CHRNA4: variants seen among roughly 807,000 people sequenced by gnomAD.
CHRNA4 encodes the protein neuronal acetylcholine receptor subunit alpha-4.
In CHRNA4, 28 loss-of-function variants were observed where a neutral mutation model predicts 48.9. The ratio of observed to expected loss-of-function variants is 0.57; its 90% CI spans 0.42 to 0.79. The LOEUF is 0.79. Among genes scored for constraint, CHRNA4 ranks in the 30% least tolerant of loss-of-function variants. CHRNA4 has a pLI of 0.00. For missense variants in CHRNA4, 859 were observed against 898.4 expected, an observed-to-expected ratio of 0.96 and a Z score of 0.56; for synonymous variants, 425 against 402.3, an observed-to-expected ratio of 1.06 and a Z score of -0.68.
rs767865433 is a variant in CHRNA4, at chr20:63,350,426, T to C, written c.985A>G (p.Asn329Asp). Reference protein sequence around the residue: ...LSIVITVFVLNVHHRSPRTHT... With the variant: ...LSIVITVFVLDVHHRSPRTHT... ...GTGCGTGGCGAGCGGTGGTGCACGTTGAGCACGAAGACCGTGATGACGATG... is the reference window on the plus strand; with the variant it reads ...GTGCGTGGCGAGCGGTGGTGCACGTCGAGCACGAAGACCGTGATGACGATG... The change falls in exon 5 of 6, where the codon AAC (asparagine) becomes GAC (aspartate). Residue 329 changes from asparagine to aspartate, a missense_variant. Coordinates refer to ENST00000370263, the MANE Select transcript of CHRNA4 (RefSeq NM_000744.7). 6.2e-6 allele frequency: 10 copies of C among 1,613,768 alleles called. No homozygotes were observed. The Middle Eastern group carries it at 6.6e-4, about 107-fold the overall frequency.
At chr20:63,351,131 A>ATCCACG in intron 4 of CHRNA4, 104 bp from the exon 5 acceptor site, 6 of 761,384 alleles carry the variant, frequency 7.9e-6, no homozygotes, top group East Asian at 5.1e-5. Context: ...CCACACCCAC[A>ATCCACG]TCCACGCCCA....
At chr20:63,361,063 G>C (rs1432742583) in intron 1 of CHRNA4, 27 bp downstream of exon 1, 5 of 1,424,010 alleles carry the variant, frequency 3.5e-6, no homozygotes. Context: ...GGGCGAAAGG[G>C]GGCCCATCCC....
At chr20:63,359,845 C>A in intron 1 of CHRNA4, 146 bp from the exon 2 acceptor site, 1 of 586,142 alleles carries the variant, frequency 1.7e-6, no homozygotes, top group Non-Finnish European at 2.6e-6. Context: ...ACCCCAGGAC[C>A]TGTGTGTGTG....
chr20:63,356,152 G>GCAGTGCCCTC, intron 3 of CHRNA4, 68 bp from the exon 4 acceptor site: 1 of 553,972 alleles, frequency 1.8e-6, no homozygotes. Flanking sequence ...GCGGGACAGG[G>GCAGTGCCCTC]CCAGGGTGGG....
rs201279902 is a variant in CHRNA4, at chr20:63,346,697, G to A, written c.*41C>T. The A allele has an allele frequency of 2.1e-5, 33 of 1,583,456 alleles. No homozygotes were observed. Among genetic ancestry groups the A allele is most frequent in the Non-Finnish European group, 2.6e-5 (30 of 1,170,182 alleles). ...GGCCGGCCGCATGGATGCTGGCCCCGTGCACGGCAGCCCCAGGCCACGCAG... is the reference window on the plus strand; with the variant it reads ...GGCCGGCCGCATGGATGCTGGCCCCATGCACGGCAGCCCCAGGCCACGCAG... On this transcript the variant is annotated 3_prime_UTR_variant, in exon 6 of 6. Coordinates refer to ENST00000370263, the MANE Select transcript of CHRNA4 (RefSeq NM_000744.7).
At position 63,346,859 on chromosome 20, in the gene CHRNA4, T is replaced by G; in HGVS notation, c.1763A>C (p.Lys588Thr). The G allele has an allele frequency of 1.9e-6, 3 of 1,612,444 alleles. No individual in the cohort carries two copies. Among genetic ancestry groups the G allele is most frequent in the Non-Finnish European group, 2.5e-6 (3 of 1,179,584 alleles). Residue 588 changes from lysine (K) to threonine (T), a missense_variant, in exon 6 of 6, where the codon AAG becomes ACG. Around this residue, in one of 3 missense-constraint regions of CHRNA4, gnomAD observed 478 missense variants for 455.4 expected, o/e 1.05. Transcript: ENST00000370263. ...LKAEDTDFSVKEDWKYVAMVI... is the reference protein window; with the variant it reads ...LKAEDTDFSVTEDWKYVAMVI... Reference sequence around the variant, plus strand: ...CATGGCCACGTACTTCCAGTCCTCCTTCACCTGCAAGCACAGACGCCGTCA... The same window carrying G: ...CATGGCCACGTACTTCCAGTCCTCCGTCACCTGCAAGCACAGACGCCGTCA...
Position 63,349,851 on chromosome 20 carries a change from GA to G in CHRNA4, c.1559del (p.Leu520ProfsTer45). 1 of 1,595,852 alleles carries G rather than the reference GA, an allele frequency of 6.3e-7. No homozygotes were observed. Among genetic ancestry groups the G allele is most frequent in the Non-Finnish European group, 8.6e-7 (1 of 1,169,068 alleles). ...LASRNTHSAE[L>X]PPPDQPSPCK... ...ACGGAGAGGGCTGGTCTGGGGGTGG[GA>G]GCTCAGCCGAGTGGGTGTTGCGAGA... On this transcript the variant is annotated frameshift_variant, in exon 5 of 6. Coordinates refer to ENST00000370263, the MANE Select transcript of CHRNA4 (RefSeq NM_000744.7). LOFTEE classifies it high-confidence loss of function.
At position 63,346,814 on chromosome 20, in the gene CHRNA4, AG is replaced by A; in HGVS notation, c.1807del (p.Leu603SerfsTer24). ...YVAMVIDRIF[L>X]WMFIIVCLLG... ...CAGGCAGACGATGATGAACATCCAGAGGAAGATGCGGTCGATGACCATGGCC... is the reference window on the plus strand; with the variant it reads ...CAGGCAGACGATGATGAACATCCAGAGAAGATGCGGTCGATGACCATGGCC... On this transcript the variant is annotated frameshift_variant, in exon 6 of 6. Transcript: ENST00000370263. LOFTEE classifies it high-confidence loss of function. 1 of 1,612,732 alleles carries A rather than the reference AG, an allele frequency of 6.2e-7. No homozygotes were observed. The highest frequency in any genetic ancestry group is 8.5e-7 in the Non-Finnish European group (1 of 1,179,700).
chr20:63,354,400 G>A (rs1395055127), intron 4 of CHRNA4: 1 of 145,766 alleles, frequency 6.9e-6, no homozygotes, highest in Non-Finnish European at 1.5e-5. Flanking sequence ...AGTTCTGCAG[G>A]AGGCACTGTA....
rs1026850528 is a variant in CHRNA4 at position 63,346,229 on chromosome 20, C to T, written c.*509G>A. 1.8e-5 allele frequency: 8 copies of T among 454,106 alleles called. No homozygotes were observed. The highest frequency in any genetic ancestry group is 3.1e-5 in the Non-Finnish European group (7 of 226,944). 28.1% of individuals were successfully genotyped at this position (454,106 alleles called of 1,614,324 possible). The stretch of plus-strand genomic sequence containing the variant: ...GCTGCTGGCTCACCCTCATGGGGCC[C>T]GAGAGGCTCAAGGACCCTGGGGGAG... On this transcript the variant is annotated 3_prime_UTR_variant, in exon 6 of 6. Transcript: ENST00000370263.
intron 5 of CHRNA4, among the ~76,000 whole-genome samples, chr20:63,348,482 C>A (rs921618780): frequency 2.0e-5 from 3 of 152,240 alleles, no homozygotes; most frequent in African/African-American, 7.2e-5. Context: ...GGAGCACGGG[C>A]CCCTCGCTTT....
At chr20:63,352,770 C>T (rs1013539621) in intron 4 of CHRNA4, among the ~76,000 whole-genome samples, 39 of 152,338 alleles carry the variant, frequency 2.6e-4, no homozygotes, top group African/African-American at 8.7e-4. Flanking sequence ...GGGCAGGGCC[C>T]CCCTCCCCCA....
intron 4 of CHRNA4, chr20:63,354,574 A>T: frequency 1.8e-6 from 1 of 548,770 alleles, no homozygotes; most frequent in Non-Finnish European, 2.1e-6. Context: ...GGTCCTGGTG[A>T]GGCTGTGGAA....
chr20:63,360,257 A>G, intron 1 of CHRNA4: 1 of 165,014 alleles, frequency 6.1e-6, no homozygotes, highest in Non-Finnish European at 1.3e-5. Flanking sequence ...GGGCCCCCAC[A>G]AGCGCCCGCT....
intron 2 of CHRNA4, among the ~76,000 whole-genome samples, chr20:63,358,392 C>T (rs766105725): frequency 6.6e-6 from 1 of 152,216 alleles, no homozygotes; most frequent in African/African-American, 2.4e-5. Flanking sequence ...TTACCCAACA[C>T]GCACGGCACC....
chr20:63,350,704 G>A lies in CHRNA4; in HGVS notation c.707C>T (p.Ala236Val), dbSNP rs121912252. 6.2e-7 allele frequency: 1 copy of A among 1,613,956 alleles called. No homozygotes were observed. Among genetic ancestry groups the A allele is most frequent in the Non-Finnish European group, 8.5e-7 (1 of 1,180,010 alleles). Residue 236 changes from alanine (A) to valine (V), a missense_variant, in exon 5 of 6, where the codon GCC (alanine) becomes GTC (valine). Physicochemically the swap from Ala to Val is moderately conservative, Grantham distance 64 (BLOSUM62 0). Transcript: ENST00000370263. The part of the protein sequence containing the change: ...CAEIYPDITY[A>V]FVIRRLPLFY... ...GAGCGGCAGCCGCCGGATGACGAAGGCATAGGTGATGTCCGGGTAGATCTC... is the reference window on the plus strand; with the variant it reads ...GAGCGGCAGCCGCCGGATGACGAAGACATAGGTGATGTCCGGGTAGATCTC...
intron 2 of CHRNA4, among the ~76,000 whole-genome samples, chr20:63,358,935 C>A (rs1486919769): frequency 4.0e-5 from 1 of 25,282 alleles, no homozygotes; most frequent in African/African-American, 1.9e-4. Flanking sequence ...CTCGAAGCCT[C>A]CTGGTTCCTA....
chr20:63,360,951 T>C, intron 1 of CHRNA4, 139 bp downstream of exon 1: 1 of 664,436 alleles, frequency 1.5e-6, no homozygotes, highest in South Asian at 3.4e-5. Flanking sequence ...CGGCTGGGGA[T>C]GGGGAGCCTC....
Position 63,350,088 on chromosome 20 carries a change from G to A in CHRNA4, c.1323C>T (p.Ser441=). 1 of 1,526,604 alleles carries A rather than the reference G, an allele frequency of 6.6e-7. No individual in the cohort carries two copies. The highest frequency in any genetic ancestry group is 1.4e-5 in the African/African-American group (1 of 73,200). The allele number at this position is 1,526,604 out of a possible 1,614,324, so 94.6% of individuals were successfully genotyped here. A position where few individuals can be genotyped will look rare whatever the true frequency, so the allele number is the denominator to read the frequency against. The change falls in exon 5 of 6, where the codon AGC becomes AGT. Residue 441 remains serine (S), a synonymous_variant. Transcript: ENST00000370263. The part of the protein sequence containing the change: ...PQQPLEAEKA[S]PHPSPGPCRP... Reference sequence around the variant, plus strand: ...GGCAGGGTCCAGGCGAGGGGTGGGGGCTGGCTTTCTCAGCTTCCAGGGGCT... The same window carrying A: ...GGCAGGGTCCAGGCGAGGGGTGGGGACTGGCTTTCTCAGCTTCCAGGGGCT...
Sources: allele counts gnomAD v4.1 joint callset (sites outside exome capture counted in the v4.1 genomes callset), GRCh38; gene constraint gnomAD v4.1.1; regional missense constraint gnomAD v4.1.1; transcripts MANE v1.5; gene names NCBI Gene and HGNC (gene_info 2026-07-23, HGNC 2026-07-21).